Variants in SGK1 observed in about 807,000 individuals in gnomAD.
The protein encoded by SGK1 is serine/threonine-protein kinase Sgk1.
SGK1 carries 26 observed loss-of-function variants against 64.2 expected under a neutral mutation model. That is an observed-to-expected ratio of 0.40 (90% CI 0.30 to 0.56). The LOEUF is 0.56. SGK1 is among the 20% of genes least tolerant of loss of function. The pLI, the probability that SGK1 is intolerant of heterozygous loss-of-function variation, is 0.38. For missense variants in SGK1, 519 were observed against 645.6 expected (o/e 0.80, Z 2.12); for synonymous variants, 265 against 239.7 (o/e 1.11, Z -0.98).
intron 3 of SGK1, among the ~76,000 whole-genome samples, chr6:134,183,301 T>C (rs1413115029): frequency 1.3e-5 from 2 of 152,164 alleles, no homozygotes; most frequent in African/African-American, 4.8e-5. Flanking sequence ...TTTCTTTGTG[T>C]TGAGAACATG....
intron 12 of SGK1, 22 bp from the exon 13 acceptor site, chr6:134,170,937 TTAA>T: frequency 4.4e-6 from 7 of 1,608,698 alleles, no homozygotes; most frequent in Non-Finnish European, 6.0e-6. Flanking sequence ...AAACCCAAGA[TTAA>T]TTTAGACAGG....
intron 1 of SGK1, among the ~76,000 whole-genome samples, chr6:134,271,077 G>GAAAATTATTTTATGT (rs1776933900): frequency 7.6e-6 from 1 of 131,884 alleles, no homozygotes. Flanking sequence ...AGTGCTTTGG[G>GAAAATTATTTTATGT]AGGCCGAGGC....
intron 11 of SGK1, 59 bp downstream of exon 11, chr6:134,171,578 T>C (rs1775027412): frequency 8.2e-7 from 1 of 1,223,810 alleles, no homozygotes. Flanking sequence ...GCATGGGCTG[T>C]GTGAAGGCAA....
intron 3 of SGK1, among the ~76,000 whole-genome samples, chr6:134,199,420 G>A (rs1249832795): frequency 1.3e-5 from 2 of 151,884 alleles, no homozygotes; most frequent in Non-Finnish European, 2.9e-5. Flanking sequence ...TTAGCCAGGC[G>A]TGGTGGCGGG....
chr6:134,189,905 A>G (rs895271510), intron 3 of SGK1, among the ~76,000 whole-genome samples: 1 of 152,118 alleles, frequency 6.6e-6, no homozygotes, highest in African/African-American at 2.4e-5. Context: ...GCTGGAGTGC[A>G]ATGGCACCAT....
At chr6:134,253,822 C>T (rs751697924) in intron 2 of SGK1, among the ~76,000 whole-genome samples, 46 of 152,094 alleles carry the variant, frequency 3.0e-4, no homozygotes, top group Non-Finnish European at 4.3e-4. Flanking sequence ...AACTTCAAAT[C>T]GCATGGATCC....
chr6:134,176,852 G>C (rs1336057145), intron 3 of SGK1, among the ~76,000 whole-genome samples: 1 of 152,212 alleles, frequency 6.6e-6, no homozygotes, highest in African/African-American at 2.4e-5. Flanking sequence ...CCCAAACCGA[G>C]AGAAGGGAAA....
At chr6:134,276,327 C>A (rs148551342) in intron 1 of SGK1, among the ~76,000 whole-genome samples, 1 of 152,138 alleles carries the variant, frequency 6.6e-6, no homozygotes, top group African/African-American at 2.4e-5. Flanking sequence ...AGTGTTAAAG[C>A]GAGCATGAGT....
chr6:134,190,610 C>T (rs1310799220), intron 3 of SGK1, among the ~76,000 whole-genome samples: 3 of 152,064 alleles, frequency 2.0e-5, no homozygotes, highest in South Asian at 2.1e-4. Context: ...GTTTTTAACA[C>T]CCCTTGTCAC....
At chr6:134,286,353 G>A (rs941317471) in intron 1 of SGK1, among the ~76,000 whole-genome samples, 5 of 152,176 alleles carry the variant, frequency 3.3e-5, no homozygotes, top group Non-Finnish European at 5.9e-5. Flanking sequence ...AACTGCTTGG[G>A]AGGCTGAGGT....
intron 3 of SGK1, among the ~76,000 whole-genome samples, chr6:134,183,080 A>C (rs1015508379): frequency 6.6e-6 from 1 of 152,214 alleles, no homozygotes; most frequent in African/African-American, 2.4e-5. Flanking sequence ...TCCTGCAGGA[A>C]TGAGAAGAGG....
At position 134,232,514 on chromosome 6, in the gene SGK1, G is replaced by C. The variant is rs1006204576; in HGVS notation, c.286-25083C>G. Among the ~76,000 whole-genome samples, 63 of 149,500 alleles carry C rather than the reference G, an allele frequency of 4.2e-4. 1 individual carries two copies. The highest frequency in any genetic ancestry group is 1.5e-3 in the African/African-American group (60 of 40,602). On this transcript the variant is annotated intron_variant, in intron 2 of 13. Coordinates refer to ENST00000367858, the MANE Select transcript of SGK1 (RefSeq NM_001143676.3). The stretch of plus-strand genomic sequence containing the variant: ...GAAAAAGAAAAGAAAGAAGAGGGAG[G>C]GAGGGAGGGAAGGAAGGAAAGAAGT...
chr6:134,261,851 G>T, intron 2 of SGK1, 82 bp downstream of exon 2: 1 of 972,084 alleles, frequency 1.0e-6, no homozygotes, highest in Non-Finnish European at 1.7e-6. Context: ...TTATTTTTTG[G>T]GTATACTCTG....
chr6:134,301,146 G>A (rs1777447592), intron 1 of SGK1, among the ~76,000 whole-genome samples: 2 of 152,176 alleles, frequency 1.3e-5, no homozygotes, highest in South Asian at 4.1e-4. Flanking sequence ...ACATTTCAAT[G>A]GGAATGTTTA....
At position 134,174,951 on chromosome 6, in the gene SGK1, G is replaced by T. The variant is rs796988215; in HGVS notation, c.362-365C>A. The T allele has an allele frequency of 1.4e-5, 20 of 1,425,596 alleles. No homozygotes were observed. The African/African-American group carries it at 1.9e-4, about 13-fold the overall frequency. The allele number at this position is 1,425,596 out of a possible 1,614,324, so 88.3% of individuals were successfully genotyped here. On this transcript the variant is annotated intron_variant, in intron 3 of 13. Transcript: ENST00000367858. ...ACAGTGAGAAGTGGCCCCGCCCTTC[G>T]CCTCGCCCCTCGCCCCGCCCCGGCC... is the stretch of plus-strand genomic sequence containing the variant.
At chr6:134,297,838 G>T in intron 1 of SGK1, 1 of 729,318 alleles carries the variant, frequency 1.4e-6, no homozygotes, top group Non-Finnish European at 2.5e-6. Flanking sequence ...TCATCCCCGT[G>T]CTTCCCAGCC....
chr6:134,180,644 AG>A (rs1362803525), intron 3 of SGK1, among the ~76,000 whole-genome samples: 2 of 152,092 alleles, frequency 1.3e-5, no homozygotes, highest in Admixed American at 6.6e-5. Flanking sequence ...AGGTTGAAGC[AG>A]GAGGATCACT....
At chr6:134,193,263 TG>T (rs903545681) in intron 3 of SGK1, among the ~76,000 whole-genome samples, 13 of 152,318 alleles carry the variant, frequency 8.5e-5, no homozygotes, top group Admixed American at 8.5e-4. Context: ...TCACTAAAAA[TG>T]GTAGCTAGGT....
chr6:134,308,689 T>A (rs541874935), intron 1 of SGK1, among the ~76,000 whole-genome samples: 1 of 152,060 alleles, frequency 6.6e-6, no homozygotes, highest in African/African-American at 2.4e-5. Flanking sequence ...CCTGAGTAGC[T>A]GGGATTACAG....
Sources: allele counts gnomAD v4.1 joint callset (sites outside exome capture counted in the v4.1 genomes callset), GRCh38; gene constraint gnomAD v4.1.1; transcripts MANE v1.5; gene names NCBI Gene and HGNC (gene_info 2026-07-23, HGNC 2026-07-21).